Variants in RPTOR observed in about 807,000 individuals in gnomAD.
RPTOR encodes the protein regulatory associated protein of MTOR complex 1.
A neutral mutation model predicts 169.9 loss-of-function variants in RPTOR; 21 were observed. That is an observed-to-expected ratio of 0.12 (90% CI 0.09 to 0.18). RPTOR has a LOEUF of 0.18. Ranked by LOEUF, RPTOR falls within the 10% of genes least tolerant of loss-of-function variation. RPTOR has a pLI of 1.00. For missense variants in RPTOR, 1,133 were observed against 1,855.9 expected (o/e 0.61, Z 7.16); for synonymous variants, 732 against 753.2 (o/e 0.97, Z 0.46).
At chr17:80,830,086 A>G (rs2067486553) in intron 9 of RPTOR, among the ~76,000 whole-genome samples, 2 of 152,110 alleles carry the variant, frequency 1.3e-5, no homozygotes, top group African/African-American at 4.8e-5. Context: ...CTCGTAGGAG[A>G]AGAAAGACTG....
chr17:80,762,076 GAC>G (rs1418894303), intron 6 of RPTOR, among the ~76,000 whole-genome samples: 1 of 152,140 alleles, frequency 6.6e-6, no homozygotes, highest in Non-Finnish European at 1.5e-5. Context: ...CCCCAAACAA[GAC>G]AGTGTTCTCT....
intron 5 of RPTOR, among the ~76,000 whole-genome samples, chr17:80,742,033 C>T (rs1041120389): frequency 2.6e-5 from 4 of 152,050 alleles, no homozygotes; most frequent in East Asian, 1.9e-4. Flanking sequence ...GAGGATGGAC[C>T]GTTGTATTTG....
At chr17:80,857,561 G>A (rs1567952164) in intron 12 of RPTOR, among the ~76,000 whole-genome samples, 1 of 152,236 alleles carries the variant, frequency 6.6e-6, no homozygotes, top group Non-Finnish European at 1.5e-5. Context: ...ATTCATTCCA[G>A]TCTCTTGACA....
At chr17:80,732,679 C>T (rs1015693854) in intron 5 of RPTOR, among the ~76,000 whole-genome samples, 1 of 152,176 alleles carries the variant, frequency 6.6e-6, no homozygotes, top group African/African-American at 2.4e-5. Flanking sequence ...TTCTATTACA[C>T]TTACTATTAT....
At chr17:80,706,443 C>T (rs2143087507) in intron 3 of RPTOR, among the ~76,000 whole-genome samples, 1 of 152,318 alleles carries the variant, frequency 6.6e-6, no homozygotes. Context: ...TCCTCCTTGG[C>T]CCGTTCTCCT....
At position 80,891,876 on chromosome 17, in the gene RPTOR, C is replaced by T. The variant is rs377674694; in HGVS notation, c.2101+39C>T. 47 of 1,458,314 alleles carry T rather than the reference C, an allele frequency of 3.2e-5. No individual in the cohort carries two copies. The African/African-American group carries it at 6.3e-4, about 20-fold the overall frequency. The allele number at this position is 1,458,314 out of a possible 1,614,324, so 90.3% of individuals were successfully genotyped here. ...TCCTGTGAACCCGCAGAGCACCTCG[C>T]CTGGCGGTTCTAGTGCAGGCCGCGG... On this transcript the variant is annotated intron_variant, in intron 18 of 33. Coordinates refer to ENST00000306801, the MANE Select transcript of RPTOR (RefSeq NM_020761.3).
intron 10 of RPTOR, among the ~76,000 whole-genome samples, chr17:80,841,115 C>G (rs1338393130): frequency 3.6e-5 from 2 of 55,964 alleles, no homozygotes; most frequent in African/African-American, 1.2e-4. Context: ...CTCTCTGCAC[C>G]GCAGCTCACA....
intron 6 of RPTOR, among the ~76,000 whole-genome samples, chr17:80,760,201 G>A (rs1044037055): frequency 4.6e-5 from 7 of 152,000 alleles, no homozygotes; most frequent in Non-Finnish European, 1.5e-5. Flanking sequence ...TAGGCTTTTC[G>A]GGCCACACAG....
intron 1 of RPTOR, among the ~76,000 whole-genome samples, chr17:80,619,196 T>G (rs939356778): frequency 6.6e-6 from 1 of 152,068 alleles, no homozygotes; most frequent in Non-Finnish European, 1.5e-5. Context: ...AGTCTTGCTT[T>G]GTGTTTATTT....
chr17:80,923,899 C>T (rs1326120051), intron 23 of RPTOR: 9 of 549,774 alleles, frequency 1.6e-5, no homozygotes, highest in South Asian at 7.3e-5. Flanking sequence ...GGGTGTGTCC[C>T]GGTCCCTCTG....
intron 7 of RPTOR, among the ~76,000 whole-genome samples, chr17:80,819,697 T>C (rs72853757): frequency 0.14 from 20,711 of 152,242 alleles, 1,481 homozygotes; most frequent in South Asian, 0.16. Context: ...ATAGAAGTGT[T>C]TTTGTTTAGG....
intron 7 of RPTOR, among the ~76,000 whole-genome samples, chr17:80,814,841 G>A (rs1209256396): frequency 6.6e-6 from 1 of 152,166 alleles, no homozygotes; most frequent in Non-Finnish European, 1.5e-5. Context: ...CTCTGGGCAG[G>A]CATCAAAGGA....
At chr17:80,555,886 G>A (rs1269565899) in intron 1 of RPTOR, among the ~76,000 whole-genome samples, 2 of 152,080 alleles carry the variant, frequency 1.3e-5, no homozygotes, top group Non-Finnish European at 2.9e-5. Flanking sequence ...TTGGAGAGGG[G>A]CGAGACTGGA....
intron 24 of RPTOR, among the ~76,000 whole-genome samples, chr17:80,930,461 A>C (rs1221332565): frequency 1.3e-5 from 2 of 151,654 alleles, no homozygotes; most frequent in African/African-American, 2.4e-5. Flanking sequence ...GCTCATCCCC[A>C]GCTCATCCCC....
At chr17:80,554,304 A>T (rs150990607) in intron 1 of RPTOR, among the ~76,000 whole-genome samples, 1 of 152,040 alleles carries the variant, frequency 6.6e-6, no homozygotes, top group African/African-American at 2.4e-5. Context: ...CCACTTACTC[A>T]ATTTTGTTGT....
At chr17:80,669,011 T>A (rs2065802009) in intron 3 of RPTOR, among the ~76,000 whole-genome samples, 1 of 152,174 alleles carries the variant, frequency 6.6e-6, no homozygotes, top group Admixed American at 6.5e-5. Flanking sequence ...CCACAGAGGC[T>A]GGAGAGCCAG....
chr17:80,784,558 AT>A (rs1555618787), intron 6 of RPTOR, among the ~76,000 whole-genome samples: 3 of 151,050 alleles, frequency 2.0e-5, no homozygotes, highest in Non-Finnish European at 4.4e-5. Context: ...TGCCCAGCTA[AT>A]TTTTTGTATT....
chr17:80,922,746 A>G lies in RPTOR; in HGVS notation c.2543A>G (p.Gln848Arg). The G allele has an allele frequency of 6.3e-7, 1 of 1,588,338 alleles. No homozygotes were observed. The highest frequency in any genetic ancestry group is 2.3e-5 in the East Asian group (1 of 43,306). Reference sequence around the variant, plus strand: ...TAGGCCACCGTGAACGCCCGGCCGCAGCGCGTCCTGGACACCTCCTCCCTC... The same window carrying G: ...TAGGCCACCGTGAACGCCCGGCCGCGGCGCGTCCTGGACACCTCCTCCCTC... ...AYKATVNARPQRVLDTSSLTQ... is the reference protein window; with the variant it reads ...AYKATVNARPRRVLDTSSLTQ... Residue 848 changes from glutamine to arginine, a missense_variant, in exon 22 of 34, where the codon CAG becomes CGG. By Grantham distance (43) the Gln-to-Arg change is conservative (BLOSUM62 1). Around this residue, in one of 9 missense-constraint regions of RPTOR, gnomAD observed 123 missense variants for 129.0 expected, o/e 0.95. Coordinates refer to ENST00000306801, the MANE Select transcript of RPTOR (RefSeq NM_020761.3).
chr17:80,609,150 G>A lies in RPTOR; in HGVS notation c.163-16541G>A, dbSNP rs62068303. 0.054 allele frequency among the ~76,000 whole-genome samples: 8,275 copies of A among 152,172 alleles called. 288 individuals carry two copies. Among genetic ancestry groups the A allele is most frequent in the Non-Finnish European group, 0.082 (5,551 of 67,970 alleles). On this transcript the variant is annotated intron_variant, in intron 1 of 33. Coordinates refer to ENST00000306801, the MANE Select transcript of RPTOR (RefSeq NM_020761.3). The surrounding 1 kb of genome is among the most constrained non-coding windows in gnomAD (Gnocchi z 4.8). ...GGAGAGGGCATCACTAGCCTGCCTC[G>A]GGCTGCAGGGGGCGGGGAGCACATG...
Sources: allele counts gnomAD v4.1 joint callset (sites outside exome capture counted in the v4.1 genomes callset), GRCh38; gene constraint gnomAD v4.1.1; regional missense constraint gnomAD v4.1.1; non-coding constraint Gnocchi (gnomAD v3.1); transcripts MANE v1.5; gene names NCBI Gene and HGNC (gene_info 2026-07-23, HGNC 2026-07-21).